Variants in STIL observed in about 807,000 individuals in gnomAD.
STIL encodes STIL centriolar assembly protein, also known as SCL-interrupting locus protein.
Under a neutral mutation model 110.1 loss-of-function variants are expected in STIL, and 55 were observed. The observed-to-expected ratio is 0.50, with a 90% CI of 0.40 to 0.63. The LOEUF is 0.63. STIL is among the 20% of genes least tolerant of loss of function. The probability of loss-of-function intolerance (pLI) is 0.00; values close to 1 mark genes in which losing one functional copy is unlikely to be tolerated. For missense variants in STIL, 1,358 were observed against 1,530.0 expected (o/e 0.89, Z 1.87); for synonymous variants, 481 against 530.0 (o/e 0.91, Z 1.27).
chr1:47,256,492 G>A (rs554330469), intron 16 of STIL, among the ~76,000 whole-genome samples: 12 of 151,962 alleles, frequency 7.9e-5, no homozygotes, highest in African/African-American at 2.4e-4. Flanking sequence ...GTGGTGGTGC[G>A]CACCTGTAGT....
chr1:47,272,789 G>A (rs1175297315), intron 12 of STIL, among the ~76,000 whole-genome samples: 2 of 152,160 alleles, frequency 1.3e-5, no homozygotes, highest in Non-Finnish European at 2.9e-5. Flanking sequence ...AGTGTGAATG[G>A]TTAATACTTC....
intron 14 of STIL, among the ~76,000 whole-genome samples, chr1:47,265,250 A>C (rs6588124): frequency 0.064 from 9,535 of 148,674 alleles, 670 homozygotes; most frequent in East Asian, 0.29. Context: ...AAAAAAAAAA[A>C]AAAAAAAAAA....
chr1:47,269,415 C>T (rs1644754154), intron 14 of STIL, among the ~76,000 whole-genome samples: 1 of 151,916 alleles, frequency 6.6e-6, no homozygotes, highest in Non-Finnish European at 1.5e-5. Flanking sequence ...AATAATAATA[C>T]ATTGTATATT....
At chr1:47,294,413 T>G (rs1015844961) in intron 7 of STIL, among the ~76,000 whole-genome samples, 2 of 152,254 alleles carry the variant, frequency 1.3e-5, no homozygotes, top group Non-Finnish European at 2.9e-5. Context: ...TACTCAATAC[T>G]GAATGAATAT....
intron 9 of STIL, among the ~76,000 whole-genome samples, chr1:47,288,350 G>A (rs1324679392): frequency 1.3e-5 from 2 of 151,684 alleles, no homozygotes; most frequent in Non-Finnish European, 2.9e-5. Flanking sequence ...AGGCTAGAGT[G>A]CAGCGGCACG....
intron 14 of STIL, among the ~76,000 whole-genome samples, chr1:47,267,604 C>G (rs993588154): frequency 6.9e-6 from 1 of 145,020 alleles, no homozygotes; most frequent in Admixed American, 7.1e-5. Flanking sequence ...ACTTGGGAGG[C>G]TGAGGTTGCA....
chr1:47,293,339 C>A, intron 8 of STIL, 119 bp downstream of exon 8: 6 of 760,454 alleles, frequency 7.9e-6, no homozygotes, highest in Non-Finnish European at 1.3e-5. Context: ...TCTTAATGTA[C>A]GTGTTTATTT....
chr1:47,257,470 G>A (rs1644360457), intron 16 of STIL, among the ~76,000 whole-genome samples: 1 of 152,042 alleles, frequency 6.6e-6, no homozygotes, highest in African/African-American at 2.4e-5. Context: ...CTCCAGCCTG[G>A]GTGACAGGCC....
At chr1:47,283,590 A>T (rs941819709) in intron 10 of STIL, 74 of 152,378 alleles carry the variant, frequency 4.9e-4, no homozygotes, top group South Asian at 1.7e-3. Context: ...ATTGTAGCAC[A>T]GATGGATGAG....
intron 8 of STIL, among the ~76,000 whole-genome samples, chr1:47,289,991 T>C (rs917764534): frequency 1.3e-5 from 2 of 150,988 alleles, no homozygotes; most frequent in Non-Finnish European, 2.9e-5. Flanking sequence ...TTAATTTTAC[T>C]GAGGATTTAC....
Position 47,251,384 on chromosome 1 carries a change from T to C in STIL, c.3619A>G (p.Lys1207Glu). Residue 1207 changes from lysine to glutamate, a missense_variant, in exon 17 of 17, where the codon AAA (lysine) becomes GAA (glutamate). Physicochemically the swap from Lys to Glu is moderately conservative, Grantham distance 56. Coordinates refer to ENST00000371877, the MANE Select transcript of STIL (RefSeq NM_001048166.1). ...RNITNEVLQT[K>E]AKQQLTEKPA... Reference sequence around the variant, plus strand: ...TTTTCAGTCAACTGCTGTTTTGCTTTTGTCTGCAAAACTTCATTTGTAATA... The same window carrying C: ...TTTTCAGTCAACTGCTGTTTTGCTTCTGTCTGCAAAACTTCATTTGTAATA... The C allele has an allele frequency of 6.2e-7, 1 of 1,614,228 alleles. No homozygotes were observed. The highest frequency in any genetic ancestry group is 8.5e-7 in the Non-Finnish European group (1 of 1,180,040).
intron 12 of STIL, among the ~76,000 whole-genome samples, chr1:47,278,316 T>C (rs1007722203): frequency 6.6e-6 from 1 of 152,122 alleles, no homozygotes; most frequent in Non-Finnish European, 1.5e-5. Context: ...TATACTTATA[T>C]AAAAAATGTA....
intron 11 of STIL, 110 bp from the exon 12 acceptor site, chr1:47,281,319 G>A: frequency 8.7e-7 from 1 of 1,154,862 alleles, no homozygotes; most frequent in Non-Finnish European, 1.2e-6. Context: ...ATATTAACAA[G>A]TGTTCATTCT....
intron 9 of STIL, among the ~76,000 whole-genome samples, chr1:47,288,095 T>C (rs1645358892): frequency 6.7e-6 from 1 of 148,390 alleles, no homozygotes; most frequent in Non-Finnish European, 1.5e-5. Flanking sequence ...TTATATAAAA[T>C]ATATAGATGT....
rs532250667 is a variant in STIL, at chr1:47,302,498, C to G, written c.153-152G>C. On this transcript the variant is annotated intron_variant, in intron 3 of 16. Transcript: ENST00000371877. ...ATCCCAGGGTCAAAGGCAGGGGATA[C>G]GGAGGGCCACTTGGAAACTAGAATG... 251 of 675,922 alleles carry G rather than the reference C, an allele frequency of 3.7e-4. 1 individual carries two copies. In the African/African-American group the frequency reaches 4.4e-3, roughly 12 times the overall value. The allele number at this position is 675,922 out of a possible 1,614,324, so 41.9% of individuals were successfully genotyped here. A position where few individuals can be genotyped will look rare whatever the true frequency, so the allele number is the denominator to read the frequency against.
intron 6 of STIL, among the ~76,000 whole-genome samples, chr1:47,296,959 CG>C (rs1400798805): frequency 6.6e-6 from 1 of 152,178 alleles, no homozygotes; most frequent in Non-Finnish European, 1.5e-5. Flanking sequence ...CCTGAGTTGG[CG>C]TAAGATTTAC....
intron 10 of STIL, among the ~76,000 whole-genome samples, chr1:47,284,688 G>A (rs1012683225): frequency 2.0e-5 from 3 of 152,072 alleles, no homozygotes; most frequent in Non-Finnish European, 4.4e-5. Context: ...TCAGGAGTTC[G>A]AGGCCAGCCT....
chr1:47,269,649 T>C lies in STIL; in HGVS notation c.2601A>G (p.Pro867=), dbSNP rs1474545684. 2 of 1,614,056 alleles carry C rather than the reference T, an allele frequency of 1.2e-6. No homozygotes were observed. Among genetic ancestry groups the C allele is most frequent in the South Asian group, 2.2e-5 (2 of 91,086 alleles). Residue 867 remains proline, a synonymous_variant, in exon 14 of 17, where the codon CCA becomes CCG. Transcript: ENST00000371877. ...NIAVEEEFNQ[P]LSVSNSSSLV... Reference sequence around the variant, plus strand: ...AGAGACCTTACTTGGATACAGAAAGTGGCTGGTTAAATTCTTCTTCCACAG... The same window carrying C: ...AGAGACCTTACTTGGATACAGAAAGCGGCTGGTTAAATTCTTCTTCCACAG...
Position 47,279,093 on chromosome 1 carries a change from C to G in STIL, c.2217+1148G>C, listed in dbSNP as rs140327957. Among the ~76,000 whole-genome samples, 725 of 152,014 alleles carry G rather than the reference C, an allele frequency of 4.8e-3. 3 individuals carry two copies. The highest frequency in any genetic ancestry group is 0.016 in the African/African-American group (684 of 41,478). On this transcript the variant is annotated intron_variant, in intron 12 of 16. Coordinates refer to ENST00000371877, the MANE Select transcript of STIL (RefSeq NM_001048166.1). ...TGGGAGGATCACAAGGTCAGGAGAT[C>G]GAGACCATCCTGGCTAACATAGTGA...
Sources: gnomAD v4.1 joint callset for allele counts (sites outside exome capture counted in the v4.1 genomes callset) on GRCh38, gnomAD v4.1.1 for gene constraint, MANE v1.5 for transcripts, NCBI Gene and HGNC (gene_info 2026-07-23, HGNC 2026-07-21) for gene names.